The following TOP1MT variants were observed in gnomAD, a reference collection of about 807,000 sequenced individuals.
The protein encoded by TOP1MT is DNA topoisomerase I, mitochondrial.
A neutral mutation model predicts 73.9 loss-of-function variants in TOP1MT; 80 were observed. The ratio of observed to expected loss-of-function variants is 1.08; its 90% CI spans 0.90 to 1.30. The LOEUF (loss-of-function observed/expected upper bound fraction) is 1.30, where lower values mean the gene tolerates loss of function less well. Among genes scored for constraint, TOP1MT ranks in the 50% most tolerant of loss-of-function variants. The pLI, the probability that TOP1MT is intolerant of heterozygous loss-of-function variation, is 0.00. For synonymous variants in TOP1MT, 338 were observed against 326.4 expected, an observed-to-expected ratio of 1.04 and a Z score of -0.38; for missense variants, 815 against 808.0, an observed-to-expected ratio of 1.01 and a Z score of -0.10.
At chr8:143,355,271 T>A (rs1221837558) in intron 1 of TOP1MT, 2 of 152,218 alleles carry the variant, frequency 1.3e-5, no homozygotes, top group Non-Finnish European at 2.9e-5. Context: ...AGTTCATCTA[T>A]GGAAACCTTA....
chr8:143,321,354 G>T lies in TOP1MT; in HGVS notation c.993C>A (p.Asp331Glu), dbSNP rs373227367. ...AGCCCACGGTGTCGGCCGCCTCACC[G>T]TCCTCCTTCTCATTTCCTGCTCTCA... ...LALRAGNEKE[D>E]GEAADTVGCC... Residue 331 changes from aspartate to glutamate, a missense_variant, in exon 8 of 14, where the codon GAC (aspartate) becomes GAA (glutamate). Physicochemically the swap from Asp to Glu is conservative, Grantham distance 45. Coordinates refer to ENST00000329245, the MANE Select transcript of TOP1MT (RefSeq NM_052963.3). 1 of 1,595,312 alleles carries T rather than the reference G, an allele frequency of 6.3e-7. No homozygotes were observed. The highest frequency in any genetic ancestry group is 1.3e-5 in the African/African-American group (1 of 74,348).
At chr8:143,345,385 G>A (rs1432109854), upstream of TOP1MT, among the ~76,000 whole-genome samples, 2 of 152,212 alleles carry the variant, frequency 1.3e-5, no homozygotes, top group Admixed American at 1.3e-4. Flanking sequence ...CTGGGCACAG[G>A]AGCCCAGCAA....
chr8:143,334,078 G>A (rs1816927688), intron 1 of TOP1MT: 1 of 152,288 alleles, frequency 6.6e-6, no homozygotes, highest in African/African-American at 2.4e-5. Flanking sequence ...GCGAGACCTG[G>A]CGGGAACTCC....
intron 7 of TOP1MT, among the ~76,000 whole-genome samples, chr8:143,321,617 A>ACACG (rs1371867650): frequency 0.075 from 5,805 of 77,484 alleles, 723 homozygotes; most frequent in South Asian, 0.17. Flanking sequence ...CACGCACGCC[A>ACACG]CACGCACGCC....
chr8:143,353,418 TAA>T (rs33998618), intron 1 of TOP1MT, among the ~76,000 whole-genome samples: 12 of 135,576 alleles, frequency 8.9e-5, no homozygotes, highest in Admixed American at 2.2e-4. Flanking sequence ...CCTGTCTCTT[TAA>T]AAAAAAAAAA....
intron 7 of TOP1MT, among the ~76,000 whole-genome samples, chr8:143,322,383 ACG>A (rs1816464562): frequency 1.0e-5 from 1 of 99,122 alleles, no homozygotes; most frequent in African/African-American, 3.3e-5. Context: ...CACGCCACAC[ACG>A]CACGCCACAC....
chr8:143,309,575 G>C, intron 13 of TOP1MT, 32 bp from the exon 14 acceptor site: 1 of 1,611,822 alleles, frequency 6.2e-7, no homozygotes, highest in Non-Finnish European at 8.5e-7. Flanking sequence ...CAGGCAAGCA[G>C]GCAACTCACC....
intron 7 of TOP1MT, 26 bp from the exon 8 acceptor site, chr8:143,321,412 G>C: frequency 6.4e-7 from 1 of 1,552,426 alleles, no homozygotes. Context: ...TGGTCAAAGT[G>C]GGTGGTGCGT....
intron 3 of TOP1MT, among the ~76,000 whole-genome samples, 173 bp downstream of exon 3, chr8:143,329,177 G>C (rs747588994): frequency 5.5e-4 from 83 of 152,140 alleles, no homozygotes; most frequent in Non-Finnish European, 1.1e-3. Context: ...CGAGACAGGA[G>C]GATGGCTTGA....
At chr8:143,329,125 G>A (rs1816782784) in intron 3 of TOP1MT, among the ~76,000 whole-genome samples, 1 of 152,232 alleles carries the variant, frequency 6.6e-6, no homozygotes, top group Admixed American at 6.5e-5. Context: ...GCACTAGGCT[G>A]GACACACTGG....
At chr8:143,346,949 ACTT>A (rs1307756132), upstream of TOP1MT, among the ~76,000 whole-genome samples, 1 of 143,158 alleles carries the variant, frequency 7.0e-6, no homozygotes, top group South Asian at 2.3e-4. Context: ...CAAAAGCCTC[ACTT>A]CTTTATTTAT....
At chr8:143,345,196 T>C (rs111824566), upstream of TOP1MT, among the ~76,000 whole-genome samples, 305 of 152,182 alleles carry the variant, frequency 2.0e-3, 1 homozygote, top group African/African-American at 7.1e-3. Context: ...CGTACCACAC[T>C]GCAGGCACCA....
chr8:143,318,010 C>A lies in TOP1MT; in HGVS notation c.1215+8G>T. On this transcript the variant is annotated splice_region_variant and intron_variant, in intron 9 of 13. Coordinates refer to ENST00000329245, the MANE Select transcript of TOP1MT (RefSeq NM_052963.3). ...CGCCCACTGCTGAGGAAACACGAGC[C>A]GGCTTACGGTCAGCCTGTCGAAGAG... is the stretch of plus-strand genomic sequence containing the variant. 1 of 1,614,136 alleles carries A rather than the reference C, an allele frequency of 6.2e-7. No individual in the cohort carries two copies. The highest frequency in any genetic ancestry group is 1.1e-5 in the South Asian group (1 of 91,076).
At chr8:143,310,612 A>C (rs1257098583) in intron 12 of TOP1MT, 2 of 165,546 alleles carry the variant, frequency 1.2e-5, no homozygotes, top group African/African-American at 4.8e-5. Context: ...AGGGAAAGCA[A>C]ATTTCAGCAC....
upstream of TOP1MT, among the ~76,000 whole-genome samples, chr8:143,336,393 T>C (rs1248502846): frequency 1.3e-5 from 2 of 152,198 alleles, no homozygotes; most frequent in Non-Finnish European, 1.5e-5. Flanking sequence ...CATTTCATGA[T>C]AAACAGAATG....
chr8:143,340,728 G>A (rs1269164377), intron 2 of TOP1MT, among the ~76,000 whole-genome samples: 2 of 152,098 alleles, frequency 1.3e-5, no homozygotes, highest in African/African-American at 4.8e-5. Flanking sequence ...CATTTCTTTG[G>A]TTTTCGAGTC....
In TOP1MT at chr8:143,318,017, C is replaced by A; in HGVS notation, c.1215+1G>T. On this transcript the variant is annotated splice_donor_variant, in intron 9 of 13. Transcript: ENST00000329245. LOFTEE classifies it high-confidence loss of function. ...TGCTGAGGAAACACGAGCCGGCTTA[C>A]GGTCAGCCTGTCGAAGAGGTCGTCC... 6.2e-7 allele frequency: 1 copy of A among 1,613,516 alleles called. No individual in the cohort carries two copies. The highest frequency in any genetic ancestry group is 2.2e-5 in the East Asian group (1 of 44,874).
At chr8:143,320,056 G>A (rs562936489) in intron 8 of TOP1MT, among the ~76,000 whole-genome samples, 47 of 151,966 alleles carry the variant, frequency 3.1e-4, no homozygotes, top group African/African-American at 2.9e-4. Context: ...CCCAGGAGGC[G>A]GAGGTCGCAG....
intron 6 of TOP1MT, 131 bp downstream of exon 6, chr8:143,324,354 C>A (rs1816645676): frequency 9.0e-6 from 13 of 1,436,742 alleles, no homozygotes; most frequent in Non-Finnish European, 1.2e-5. Context: ...CACAGCATGA[C>A]CTCAGCACGG....
Sources: gnomAD v4.1 joint callset for allele counts (sites outside exome capture counted in the v4.1 genomes callset) on GRCh38, gnomAD v4.1.1 for gene constraint, MANE v1.5 for transcripts, NCBI Gene and HGNC (gene_info 2026-07-23, HGNC 2026-07-21) for gene names.